Variants in ZSWIM4 observed in about 807,000 individuals in gnomAD.
ZSWIM4 encodes the protein zinc finger SWIM domain-containing protein 4.
In ZSWIM4, 62 loss-of-function variants were observed where a neutral mutation model predicts 102.5. The observed-to-expected ratio is 0.60, with a 90% confidence interval of 0.49 to 0.75. The LOEUF (loss-of-function observed/expected upper bound fraction) is 0.75. ZSWIM4 is among the 30% of genes least tolerant of loss of function. The pLI is 0.00. For synonymous variants in ZSWIM4, 652 were observed against 674.5 expected, an observed-to-expected ratio of 0.97 and a Z score of 0.52; for missense variants, 1,280 against 1,529.6, an observed-to-expected ratio of 0.84 and a Z score of 2.72.
chr19:13,825,439 A>C lies in ZSWIM4; in HGVS notation c.2216-111A>C. On this transcript the variant is annotated intron_variant, in intron 11 of 13. Transcript: ENST00000590508. The surrounding 1 kb of genome is among the most constrained non-coding windows in gnomAD (Gnocchi z 4.6). ...CATGGCCCAGTACACATCCCTCCAC[A>C]CTCACACATGTGCCCCTGGGTGGAA... 1 of 1,305,634 alleles carries C rather than the reference A, an allele frequency of 7.7e-7. No homozygotes were observed. Among genetic ancestry groups the C allele is most frequent in the Admixed American group, 1.9e-5 (1 of 52,650 alleles). 80.9% of individuals were successfully genotyped at this position (1,305,634 alleles called of 1,614,324 possible). A position where few individuals can be genotyped will look rare whatever the true frequency, so the allele number is the denominator to read the frequency against.
At chr19:13,799,656 A>G in intron 1 of ZSWIM4, 64 bp from the exon 2 acceptor site, 2 of 1,526,584 alleles carry the variant, frequency 1.3e-6, no homozygotes, top group Non-Finnish European at 1.8e-6. Context: ...CCTCCCTCCT[A>G]AGCTTCCCAA....
chr19:13,798,845 A>G (rs1306290420), intron 1 of ZSWIM4, among the ~76,000 whole-genome samples: 1 of 152,000 alleles, frequency 6.6e-6, no homozygotes, highest in East Asian at 1.9e-4. Context: ...CTGGAGTGCA[A>G]TGGCGCAATC....
At position 13,830,332 on chromosome 19, in the gene ZSWIM4, T is replaced by C; in HGVS notation, c.2603T>C (p.Leu868Pro). Residue 868 changes from leucine to proline, a missense_variant, in exon 14 of 14, where the codon CTC (leucine) becomes CCC (proline). Coordinates refer to ENST00000590508, the MANE Select transcript of ZSWIM4 (RefSeq NM_001367834.3). ...LQLDTSRREELWACARTLALQ... is the reference protein window; with the variant it reads ...LQLDTSRREEPWACARTLALQ... Reference sequence around the variant, plus strand: ...CTGGACACATCGCGGAGGGAGGAGCTCTGGGCCTGCGCCCGCACCCTGGCC... The same window carrying C: ...CTGGACACATCGCGGAGGGAGGAGCCCTGGGCCTGCGCCCGCACCCTGGCC... 3 of 1,613,442 alleles carry C rather than the reference T, an allele frequency of 1.9e-6. No homozygotes were observed. Among genetic ancestry groups the C allele is most frequent in the Non-Finnish European group, 2.5e-6 (3 of 1,180,016 alleles).
In ZSWIM4 at chr19:13,830,801, C is replaced by G. The variant is rs762800306; in HGVS notation, c.3072C>G (p.Ala1024=). 1 of 1,604,628 alleles carries G rather than the reference C, an allele frequency of 6.2e-7. No homozygotes were observed. The highest frequency in any genetic ancestry group is 8.5e-7 in the Non-Finnish European group (1 of 1,174,964). ...GCCGGGCCGCCAAGCCACTGGGTGCCGACCGGGCGCCGCTCTGCCAGCTCC... is the reference window on the plus strand; with the variant it reads ...GCCGGGCCGCCAAGCCACTGGGTGCGGACCGGGCGCCGCTCTGCCAGCTCC... The part of the protein sequence containing the change: ...GARRAAKPLG[A]DRAPLCQLLD... Residue 1024 remains alanine, a synonymous_variant, in exon 14 of 14, where the codon GCC becomes GCG. Transcript: ENST00000590508.
intron 7 of ZSWIM4, among the ~76,000 whole-genome samples, chr19:13,816,716 C>T (rs569148852): frequency 6.6e-6 from 1 of 152,248 alleles, no homozygotes; most frequent in East Asian, 1.9e-4. Flanking sequence ...GAAGGAACAC[C>T]ATGAGCAGCA....
At chr19:13,795,846 ACCTTC>A in intron 1 of ZSWIM4, 45 bp downstream of exon 1, 1 of 1,138,128 alleles carries the variant, frequency 8.8e-7, no homozygotes, top group Non-Finnish European at 1.1e-6. Context: ...CACCCCCAGC[ACCTTC>A]CCCACCTGTC....
chr19:13,796,298 C>T (rs1445571124), intron 1 of ZSWIM4, among the ~76,000 whole-genome samples: 6 of 152,032 alleles, frequency 3.9e-5, no homozygotes, highest in African/African-American at 1.4e-4. Flanking sequence ...TCTTCGGCCC[C>T]CCGCTTGGGG....
chr19:13,820,523 A>G (rs1476009074), intron 10 of ZSWIM4, among the ~76,000 whole-genome samples: 1 of 152,232 alleles, frequency 6.6e-6, no homozygotes, highest in Non-Finnish European at 1.5e-5. Context: ...GGCGTGAGCC[A>G]CTGCACCTGG....
intron 3 of ZSWIM4, 150 bp from the exon 4 acceptor site, chr19:13,808,686 C>T: frequency 4.8e-6 from 4 of 830,158 alleles, no homozygotes; most frequent in Non-Finnish European, 7.2e-6. Context: ...TTGTAGTGAG[C>T]GAAGATCGTG....
chr19:13,808,821 C>A lies in ZSWIM4; in HGVS notation c.713-15C>A. On this transcript the variant is annotated splice_polypyrimidine_tract_variant and intron_variant, in intron 3 of 13. Coordinates refer to ENST00000590508, the MANE Select transcript of ZSWIM4 (RefSeq NM_001367834.3). ...CCAGCCCCAGCCTCAGCTTCCTTTC[C>A]CTCCCTCCCGGCAGGTGCCCCAGAC... The A allele has an allele frequency of 1.3e-6, 2 of 1,587,952 alleles. No individual in the cohort carries two copies. The highest frequency in any genetic ancestry group is 1.1e-5 in the South Asian group (1 of 88,142).
At chr19:13,812,516 G>A (rs972375385) in intron 5 of ZSWIM4, among the ~76,000 whole-genome samples, 2 of 149,576 alleles carry the variant, frequency 1.3e-5, no homozygotes, top group African/African-American at 2.5e-5. Flanking sequence ...CTGGAGTGCA[G>A]TGGTGTGATC....
intron 11 of ZSWIM4, among the ~76,000 whole-genome samples, chr19:13,824,099 G>C (rs139556816): frequency 6.6e-6 from 1 of 151,126 alleles, no homozygotes; most frequent in Non-Finnish European, 1.5e-5. Flanking sequence ...GATAGTAGGG[G>C]GGGATAGAGA....
At chr19:13,817,078 G>A in intron 7 of ZSWIM4, 138 bp from the exon 8 acceptor site, 2 of 1,240,430 alleles carry the variant, frequency 1.6e-6, no homozygotes, top group South Asian at 3.2e-5. Flanking sequence ...AAAAAAAAAA[G>A]TTGAAGGTGA....
At chr19:13,798,333 A>C (rs1183706278) in intron 1 of ZSWIM4, among the ~76,000 whole-genome samples, 2 of 151,986 alleles carry the variant, frequency 1.3e-5, no homozygotes, top group African/African-American at 4.8e-5. Flanking sequence ...GTGTGTGTAG[A>C]CATGGGGTCT....
In ZSWIM4 at chr19:13,804,859, C is replaced by T; in HGVS notation, c.423C>T (p.Val141=). 1.2e-6 allele frequency: 2 copies of T among 1,613,344 alleles called. No individual in the cohort carries two copies. Among genetic ancestry groups the T allele is most frequent in the Non-Finnish European group, 1.7e-6 (2 of 1,179,844 alleles). Residue 141 remains valine (V), a synonymous_variant, in exon 3 of 14, where the codon GTC becomes GTT. Transcript: ENST00000590508. Reference sequence around the variant, plus strand: ...GAGAGCCCGAGCGCCTCTACCATGTCTCCATCAGCTTTGATCGCTGCAAGA... The same window carrying T: ...GAGAGCCCGAGCGCCTCTACCATGTTTCCATCAGCTTTGATCGCTGCAAGA... The part of the protein sequence containing the change: ...SPGEPERLYH[V]SISFDRCKIT...
At chr19:13,810,719 C>T (rs887071997) in intron 5 of ZSWIM4, among the ~76,000 whole-genome samples, 6 of 151,872 alleles carry the variant, frequency 4.0e-5, no homozygotes, top group Non-Finnish European at 8.8e-5. Flanking sequence ...ATGCCATTCT[C>T]CTGCCTCAGC....
chr19:13,812,680 G>A (rs1380523400), intron 5 of ZSWIM4, among the ~76,000 whole-genome samples: 3 of 149,392 alleles, frequency 2.0e-5, no homozygotes, highest in African/African-American at 7.5e-5. Flanking sequence ...CTGTTGGCCA[G>A]GCTGTTCTTA....
Position 13,817,842 on chromosome 19 carries a change from C to A in ZSWIM4, c.1790C>A (p.Ala597Asp). 6.4e-7 allele frequency: 1 copy of A among 1,564,868 alleles called. No homozygotes were observed. The highest frequency in any genetic ancestry group is 8.7e-7 in the Non-Finnish European group (1 of 1,154,850). The change falls in exon 9 of 14, where the codon GCC (alanine) becomes GAC (aspartate). Residue 597 changes from alanine to aspartate, a missense_variant. Transcript: ENST00000590508. ...CTGCTGGGGCTGGGGCAGCAGCGGG[C>A]CCTGCCGGAGGGGCTGTACGCCCAG... ...VALLGLGQQR[A>D]LPEGLYAQDK...
chr19:13,819,540 G>A (rs1372455752), intron 10 of ZSWIM4, 48 bp downstream of exon 10: 1 of 1,543,444 alleles, frequency 6.5e-7, no homozygotes. Context: ...GGGGGGAAGA[G>A]GGGCGGGCAT....
Sources: gnomAD v4.1 joint callset for allele counts (sites outside exome capture counted in the v4.1 genomes callset) on GRCh38, gnomAD v4.1.1 for gene constraint, Gnocchi (gnomAD v3.1) non-coding constraint, MANE v1.5 for transcripts, NCBI Gene and HGNC (gene_info 2026-07-23, HGNC 2026-07-21) for gene names.